EMCN: variants seen among roughly 807,000 people sequenced by gnomAD.
EMCN encodes endomucin.
A neutral mutation model predicts 38.4 loss-of-function variants in EMCN; 37 were observed. The ratio of observed to expected loss-of-function variants is 0.96; its 90% CI spans 0.74 to 1.27. The LOEUF (loss-of-function observed/expected upper bound fraction) is 1.27. Among genes scored for constraint, EMCN ranks in the 50% most tolerant of loss-of-function variants. The pLI, the probability that EMCN is intolerant of heterozygous loss-of-function variation, is 0.00. For synonymous variants in EMCN, 95 were observed against 100.8 expected (o/e 0.94, Z 0.35); for missense variants, 318 against 302.8 (o/e 1.05, Z -0.37).
At chr4:100,502,086 A>G (rs990212636) in intron 1 of EMCN, among the ~76,000 whole-genome samples, 2 of 152,208 alleles carry the variant, frequency 1.3e-5, no homozygotes, top group African/African-American at 2.4e-5. Flanking sequence ...TTTTCATGGC[A>G]GGATGCAGTG....
intron 5 of EMCN, among the ~76,000 whole-genome samples, chr4:100,424,960 C>T (rs1194755314): frequency 6.6e-6 from 1 of 151,946 alleles, no homozygotes; most frequent in Non-Finnish European, 1.5e-5. Flanking sequence ...AGAACAAACT[C>T]CCAACTTCCC....
intron 10 of EMCN, among the ~76,000 whole-genome samples, chr4:100,413,975 C>T (rs1028128123): frequency 5.9e-5 from 9 of 152,160 alleles, no homozygotes; most frequent in Non-Finnish European, 2.9e-5. Flanking sequence ...GAATTTTCCC[C>T]AGGCCTTAGA....
intron 11 of EMCN, among the ~76,000 whole-genome samples, chr4:100,406,198 G>T (rs1449742429): frequency 2.0e-5 from 3 of 151,818 alleles, no homozygotes; most frequent in African/African-American, 7.2e-5. Context: ...TTTTGGTTTT[G>T]TTGATCTTTT....
intron 5 of EMCN, among the ~76,000 whole-genome samples, chr4:100,441,857 G>A (rs1121679): frequency 0.45 from 68,587 of 151,894 alleles, 16,813 homozygotes; most frequent in Non-Finnish European, 0.57. Context: ...CTTGTTATAC[G>A]TTTAGTTATT....
chr4:100,461,456 C>T (rs537570460), intron 4 of EMCN, among the ~76,000 whole-genome samples: 13 of 152,024 alleles, frequency 8.6e-5, no homozygotes, highest in Non-Finnish European at 1.8e-4. Context: ...TATCACAATC[C>T]AGAATAGTTC....
chr4:100,417,193 A>G, intron 8 of EMCN, 52 bp from the exon 9 acceptor site: 1 of 1,574,078 alleles, frequency 6.4e-7, no homozygotes. Context: ...GGCTACCATA[A>G]ATATGAGCAA....
chr4:100,491,999 T>C (rs1362013142), intron 1 of EMCN, among the ~76,000 whole-genome samples: 1 of 152,134 alleles, frequency 6.6e-6, no homozygotes, highest in African/African-American at 2.4e-5. Context: ...TACAAAGACT[T>C]AGGAAATGAT....
At chr4:100,406,066 T>A (rs896525496) in intron 11 of EMCN, among the ~76,000 whole-genome samples, 6 of 152,062 alleles carry the variant, frequency 3.9e-5, no homozygotes, top group Non-Finnish European at 4.4e-5. Context: ...TTTTTGTATT[T>A]CTGTGGAGTC....
At chr4:100,492,758 G>A (rs569502290) in intron 1 of EMCN, among the ~76,000 whole-genome samples, 12 of 152,090 alleles carry the variant, frequency 7.9e-5, no homozygotes, top group Non-Finnish European at 1.3e-4. Flanking sequence ...TGTCCTTTGC[G>A]AATGGAAGAG....
intron 11 of EMCN, among the ~76,000 whole-genome samples, chr4:100,408,533 T>C (rs957425923): frequency 6.6e-6 from 1 of 152,194 alleles, no homozygotes; most frequent in African/African-American, 2.4e-5. Context: ...ATTTAATAGA[T>C]AGTGCTTAAA....
chr4:100,489,657 T>C (rs1455258012), intron 1 of EMCN, among the ~76,000 whole-genome samples: 2 of 152,160 alleles, frequency 1.3e-5, no homozygotes, highest in African/African-American at 2.4e-5. Context: ...GTATATAATA[T>C]CTGATAATGA....
At chr4:100,424,645 T>C (rs1188406359) in intron 5 of EMCN, among the ~76,000 whole-genome samples, 1 of 152,006 alleles carries the variant, frequency 6.6e-6, no homozygotes, top group Non-Finnish European at 1.5e-5. Flanking sequence ...GGAAGCTAGA[T>C]ATATGCCCAT....
chr4:100,407,050 TTTTG>T (rs1328286622), intron 11 of EMCN, among the ~76,000 whole-genome samples: 1 of 152,162 alleles, frequency 6.6e-6, no homozygotes, highest in Non-Finnish European at 1.5e-5. Context: ...CCCTGCTCTT[TTTTG>T]TTTGTTTTCT....
Position 100,480,004 on chromosome 4 carries a change from T to C in EMCN, c.100A>G (p.Thr34Ala), listed in dbSNP as rs1560633558. 2.5e-6 allele frequency: 4 copies of C among 1,605,112 alleles called. No homozygotes were observed. The South Asian group carries it at 4.5e-5, about 18-fold the overall frequency. ...LEAANNSLVV[T>A]TTKPSITTPN... Reference sequence around the variant, plus strand: ...GTTGTTATAGATGGTTTTGTTGTAGTAACAACAAGTGAATTATTAGCTGCC... The same window carrying C: ...GTTGTTATAGATGGTTTTGTTGTAGCAACAACAAGTGAATTATTAGCTGCC... Residue 34 changes from threonine (T) to alanine (A), a missense_variant, in exon 2 of 12, where the codon ACT becomes GCT. Transcript: ENST00000296420.
At chr4:100,422,914 G>T (rs1354314572) in intron 7 of EMCN, 107 bp downstream of exon 7, 1 of 1,093,962 alleles carries the variant, frequency 9.1e-7, no homozygotes, top group African/African-American at 1.6e-5. Context: ...TGCAGGCTCA[G>T]TAAAGTTGAG....
chr4:100,492,385 G>C lies in EMCN; in HGVS notation c.65-12346C>G, dbSNP rs113445268. ...GCAAAAAGAAAAAAGAATGAAAAAA[G>C]CCTGTAGCAATTGTGGGATACCATT... On this transcript the variant is annotated intron_variant, in intron 1 of 11. Transcript: ENST00000296420. Among the ~76,000 whole-genome samples the C allele has an allele frequency of 3.1e-3, 472 of 152,096 alleles. 2 individuals carry two copies. Among genetic ancestry groups the C allele is most frequent in the African/African-American group, 0.011 (454 of 41,522 alleles).
chr4:100,498,834 C>A (rs979369217), intron 1 of EMCN, among the ~76,000 whole-genome samples: 2 of 152,112 alleles, frequency 1.3e-5, no homozygotes, highest in African/African-American at 4.8e-5. Flanking sequence ...CTATATGTAC[C>A]AGGGCTGTGC....
chr4:100,422,797 T>TTTTC (rs980899816), intron 7 of EMCN, among the ~76,000 whole-genome samples: 5 of 140,554 alleles, frequency 3.6e-5, no homozygotes, highest in South Asian at 2.3e-4. Flanking sequence ...TCCTCTTCTG[T>TTTTC]TTTCTTTCTT....
intron 5 of EMCN, chr4:100,446,195 A>G (rs1365664472): frequency 2.0e-6 from 2 of 985,218 alleles, no homozygotes; most frequent in Non-Finnish European, 2.4e-6. Context: ...GACTGGATGC[A>G]CTGTTTTTGT....
Sources: gnomAD v4.1 joint callset for allele counts (sites outside exome capture counted in the v4.1 genomes callset) on GRCh38, gnomAD v4.1.1 for gene constraint, MANE v1.5 for transcripts, NCBI Gene and HGNC (gene_info 2026-07-23, HGNC 2026-07-21) for gene names.